PAAF1: variants seen among roughly 807,000 people sequenced by gnomAD.
The protein encoded by PAAF1 is proteasomal ATPase associated factor 1.
Under a neutral mutation model 52.8 loss-of-function variants are expected in PAAF1, and 46 were observed. The ratio of observed to expected loss-of-function variants is 0.87; its 90% CI spans 0.69 to 1.11. The LOEUF (loss-of-function observed/expected upper bound fraction) is 1.11. PAAF1 is among the 50% of genes most tolerant of loss of function. PAAF1 has a pLI of 0.00. For missense variants in PAAF1, 424 were observed against 477.4 expected, an observed-to-expected ratio of 0.89 and a Z score of 1.04; for synonymous variants, 178 against 172.8, an observed-to-expected ratio of 1.03 and a Z score of -0.24.
intron 8 of PAAF1, among the ~76,000 whole-genome samples, chr11:73,915,580 C>G (rs991130137): frequency 2.0e-5 from 3 of 152,148 alleles, no homozygotes; most frequent in African/African-American, 7.2e-5. Flanking sequence ...TGTACTCCAG[C>G]CTGGGGAACA....
chr11:73,906,844 A>G (rs1013499765), intron 6 of PAAF1, among the ~76,000 whole-genome samples: 3 of 152,246 alleles, frequency 2.0e-5, no homozygotes, highest in Non-Finnish European at 1.5e-5. Flanking sequence ...AAGAGGAAAG[A>G]AAGTATGCTA....
At chr11:73,900,871 A>C (rs71464094) in intron 6 of PAAF1, among the ~76,000 whole-genome samples, 8,226 of 149,806 alleles carry the variant, frequency 0.055, 210 homozygotes, top group Middle Eastern at 0.098. Context: ...AGTCCCAGCT[A>C]CTTGGGAGGC....
intron 2 of PAAF1, among the ~76,000 whole-genome samples, chr11:73,886,628 A>C (rs1346506063): frequency 7.1e-6 from 1 of 140,132 alleles, no homozygotes; most frequent in Non-Finnish European, 1.5e-5. Context: ...AGCTGAGATC[A>C]CGCCACTGCA....
intron 4 of PAAF1, among the ~76,000 whole-genome samples, chr11:73,895,962 T>C (rs1949338629): frequency 6.6e-6 from 1 of 152,162 alleles, no homozygotes; most frequent in Non-Finnish European, 1.5e-5. Context: ...GTTAAAAAAT[T>C]AGCTGGACAT....
chr11:73,883,572 G>A (rs1948977409), intron 2 of PAAF1, among the ~76,000 whole-genome samples: 1 of 151,344 alleles, frequency 6.6e-6, no homozygotes, highest in African/African-American at 2.4e-5. Context: ...GAAGTATAGT[G>A]GCACAATCTC....
chr11:73,918,127 A>C (rs1950115002), intron 9 of PAAF1, among the ~76,000 whole-genome samples: 1 of 152,318 alleles, frequency 6.6e-6, no homozygotes, highest in South Asian at 2.1e-4. Context: ...GTAGAATCCC[A>C]TGTATAGAAT....
At chr11:73,926,902 A>G (rs772864689) in intron 11 of PAAF1, among the ~76,000 whole-genome samples, 3 of 152,182 alleles carry the variant, frequency 2.0e-5, no homozygotes, top group Non-Finnish European at 4.4e-5. Flanking sequence ...AATCCTCCTC[A>G]GAAAAAAAGA....
intron 4 of PAAF1, among the ~76,000 whole-genome samples, chr11:73,894,594 C>T (rs1200860797): frequency 1.3e-5 from 2 of 151,644 alleles, no homozygotes; most frequent in Non-Finnish European, 2.9e-5. Context: ...AACTAACCTG[C>T]ACATTGTGCA....
chr11:73,887,406 C>T lies in PAAF1; in HGVS notation c.141C>T (p.Gly47=). 3 of 1,613,036 alleles carry T rather than the reference C, an allele frequency of 1.9e-6. No individual in the cohort carries two copies. The highest frequency in any genetic ancestry group is 1.7e-6 in the Non-Finnish European group (2 of 1,179,612). The change falls in exon 3 of 12, where the codon GGC becomes GGT. Residue 47 remains glycine (G), a synonymous_variant. Transcript: ENST00000310571. The part of the protein sequence containing the change: ...SLTCQGIGLD[G]IPEVTASEGF... ...CTTGTCAAGGAATTGGCCTAGATGG[C>T]ATCCCAGAGGTTACAGCTTCAGAAG...
Position 73,916,533 on chromosome 11 carries a change from A to G in PAAF1, c.820-12A>G, listed in dbSNP as rs148640249. The G allele has an allele frequency of 5.7e-5, 90 of 1,584,234 alleles. No individual in the cohort carries two copies. The East Asian group carries it at 1.4e-3, about 24-fold the overall frequency. ...TCTTTAAACAGCATTTTTGCCTCCTACTTGTTCCCAGGTGTTCCTCTTTAT... is the reference window on the plus strand; with the variant it reads ...TCTTTAAACAGCATTTTTGCCTCCTGCTTGTTCCCAGGTGTTCCTCTTTAT... On this transcript the variant is annotated splice_polypyrimidine_tract_variant and intron_variant, in intron 8 of 11. Transcript: ENST00000310571.
chr11:73,909,285 C>G, intron 6 of PAAF1, 114 bp from the exon 7 acceptor site: 1 of 856,612 alleles, frequency 1.2e-6, no homozygotes, highest in East Asian at 2.5e-5. Context: ...GCATGTGGTA[C>G]CTGTTCAGAA....
intron 10 of PAAF1, among the ~76,000 whole-genome samples, chr11:73,920,225 A>AT (rs1168034028): frequency 3.6e-4 from 55 of 152,034 alleles, no homozygotes; most frequent in African/African-American, 1.1e-3. Context: ...TATTTTTTAT[A>AT]TATTTTTTTA....
chr11:73,892,752 T>TAAG (rs1565130144), intron 4 of PAAF1, among the ~76,000 whole-genome samples: 8 of 151,948 alleles, frequency 5.3e-5, no homozygotes, highest in Non-Finnish European at 1.2e-4. Context: ...CTCCACCTCC[T>TAAG]GGGTTCACAC....
intron 3 of PAAF1, chr11:73,889,114 T>C (rs764554707): frequency 2.4e-6 from 3 of 1,261,500 alleles, no homozygotes; most frequent in Non-Finnish European, 3.3e-6. Flanking sequence ...AGCCTACGTT[T>C]TTCCCAGGTG....
At chr11:73,889,595 A>T (rs933342317) in intron 3 of PAAF1, among the ~76,000 whole-genome samples, 1 of 152,238 alleles carries the variant, frequency 6.6e-6, no homozygotes, top group Admixed American at 6.5e-5. Context: ...AGTAGGAGAA[A>T]AGTACTGATT....
rs1358156394 is a variant in PAAF1, at chr11:73,877,057, G to A, written c.36G>A (p.Ala12=). 1.3e-6 allele frequency: 2 copies of A among 1,538,448 alleles called. No individual in the cohort carries two copies. The highest frequency in any genetic ancestry group is 2.5e-5 in the East Asian group (1 of 39,900). ...AAPLRIQSDW[A]QALRKDEGEA... is the part of the protein sequence containing the mutation. ...CTTTGAGGATTCAGAGCGACTGGGCGCAAGCCCTCAGGTGAATCCAGGCCC... is the reference window on the plus strand; with the variant it reads ...CTTTGAGGATTCAGAGCGACTGGGCACAAGCCCTCAGGTGAATCCAGGCCC... The change falls in exon 1 of 12, where the codon GCG becomes GCA. Residue 12 remains alanine (A), a synonymous_variant. Coordinates refer to ENST00000310571, the MANE Select transcript of PAAF1 (RefSeq NM_025155.3).
intron 10 of PAAF1, among the ~76,000 whole-genome samples, chr11:73,923,679 G>A (rs567202911): frequency 2.6e-5 from 4 of 152,176 alleles, no homozygotes; most frequent in Admixed American, 2.0e-4. Flanking sequence ...GGGATTACAG[G>A]CATGCACTAC....
chr11:73,913,061 G>C (rs1949976031), intron 7 of PAAF1, among the ~76,000 whole-genome samples: 2 of 152,108 alleles, frequency 1.3e-5, no homozygotes, highest in Admixed American at 1.3e-4. Context: ...ATTTTTAGTA[G>C]AGATGGGGTT....
At chr11:73,902,894 T>C (rs149954457) in intron 6 of PAAF1, among the ~76,000 whole-genome samples, 1 of 152,088 alleles carries the variant, frequency 6.6e-6, no homozygotes, top group African/African-American at 2.4e-5. Context: ...AGAGACTGGG[T>C]TTCACCATAT....
Sources: gnomAD v4.1 joint callset for allele counts (sites outside exome capture counted in the v4.1 genomes callset) on GRCh38, gnomAD v4.1.1 for gene constraint, MANE v1.5 for transcripts, NCBI Gene and HGNC (gene_info 2026-07-23, HGNC 2026-07-21) for gene names.